The following TASOR2 variants were observed in gnomAD, a reference collection of about 807,000 sequenced individuals.
The protein encoded by TASOR2 is protein TASOR 2.
A neutral mutation model predicts 199.5 loss-of-function variants in TASOR2; 84 were observed. That is an observed-to-expected ratio of 0.42 (90% CI 0.35 to 0.50). TASOR2 has a LOEUF of 0.50. Among genes scored for constraint, TASOR2 ranks in the 20% least tolerant of loss-of-function variants. The pLI is 0.02. For missense variants in TASOR2, 2,796 were observed against 2,835.9 expected (o/e 0.99, Z 0.32); for synonymous variants, 1,103 against 1,046.6 (o/e 1.05, Z -1.04).
At chr10:5,763,267 T>G in exon 21 of TASOR2, 1 of 432,956 alleles carries the variant, frequency 2.3e-6, no homozygotes, top group Non-Finnish European at 4.1e-6. Context: ...ATTATTTTCA[T>G]TTTAAACAAG....
exon 15 of TASOR2, chr10:5,747,485 A>C: frequency 6.2e-7 from 1 of 1,614,200 alleles, no homozygotes; most frequent in Non-Finnish European, 8.5e-7. Flanking sequence ...GAACCAGTAG[A>C]AAATAAGGAG....
At chr10:5,762,507 AG>A (rs1564380076) in intron 19 of TASOR2, 24 bp from the exon 21 acceptor site, 1 of 470,226 alleles carries the variant, frequency 2.1e-6, no homozygotes. Flanking sequence ...ATTAACCAAA[AG>A]TTGTTTTTTT....
intron 3 of TASOR2, among the ~76,000 whole-genome samples, chr10:5,717,999 G>A (rs1326177962): frequency 6.6e-6 from 1 of 152,104 alleles, no homozygotes; most frequent in Non-Finnish European, 1.5e-5. Flanking sequence ...TCACCTGTCA[G>A]AGCTACTTTT....
chr10:5,715,091 A>C (rs151302135), intron 2 of TASOR2, among the ~76,000 whole-genome samples: 11 of 152,254 alleles, frequency 7.2e-5, no homozygotes, highest in Non-Finnish European at 1.3e-4. Flanking sequence ...AGACTTAGGA[A>C]ATAGAGTTTC....
At chr10:5,763,496 A>G (rs1050913454) in exon 21 of TASOR2, 2 of 153,052 alleles carry the variant, frequency 1.3e-5, no homozygotes, top group African/African-American at 4.8e-5. Context: ...ACTACATAAA[A>G]CATTTTTTCC....
intron 11 of TASOR2, 133 bp from the exon 13 acceptor site, chr10:5,735,171 A>G (rs937090500): frequency 2.4e-5 from 25 of 1,032,168 alleles, no homozygotes; most frequent in Non-Finnish European, 3.4e-5. Context: ...AAATACCTGA[A>G]ACTTCATAGT....
intron 12 of TASOR2, 35 bp downstream of exon 13, chr10:5,735,581 C>T (rs1835456996): frequency 6.3e-7 from 1 of 1,598,320 alleles, no homozygotes; most frequent in Admixed American, 1.8e-5. Context: ...TTAAACACCC[C>T]AATACAGATC....
intron 12 of TASOR2, among the ~76,000 whole-genome samples, chr10:5,736,393 G>A (rs192550294): frequency 1.3e-4 from 19 of 149,624 alleles, no homozygotes; most frequent in African/African-American, 4.7e-4. Flanking sequence ...ACTCCAGTCT[G>A]GGCGACAGAG....
At chr10:5,749,652 A>G (rs1344340529) in exon 15 of TASOR2, 4 of 1,614,162 alleles carry the variant, frequency 2.5e-6, no homozygotes, top group Non-Finnish European at 3.4e-6. Context: ...GTCATAATAG[A>G]GATCTTAGAA....
At chr10:5,700,155 T>G (rs912804112) in intron 1 of TASOR2, among the ~76,000 whole-genome samples, 1 of 152,154 alleles carries the variant, frequency 6.6e-6, no homozygotes, top group African/African-American at 2.4e-5. Flanking sequence ...GAAATCCACT[T>G]TTGTAGCTTC....
rs570671375 is a variant in TASOR2 at position 5,689,392 on chromosome 10, G to A, written c.-288+4217G>A. Among the ~76,000 whole-genome samples the A allele has an allele frequency of 9.2e-4, 140 of 152,274 alleles. No individual in the cohort carries two copies. The highest frequency in any genetic ancestry group is 3.2e-3 in the African/African-American group (135 of 41,556). On this transcript the variant is annotated intron_variant, in intron 1 of 20. Coordinates refer to ENST00000328090, the Ensembl canonical transcript of TASOR2. This position sits in a 1 kb window ranked among gnomAD's most constrained non-coding sequence, Gnocchi z 4.1. ...CGAGGTGGGCGGATCAAGAGGTCAG[G>A]AGTTCAAGACCAGCCTGACCAATAT...
chr10:5,760,521 C>T (rs1023669929), intron 18 of TASOR2, among the ~76,000 whole-genome samples: 3 of 152,164 alleles, frequency 2.0e-5, no homozygotes, highest in African/African-American at 7.2e-5. Context: ...GGGAGATATG[C>T]AGACTACAGT....
intron 6 of TASOR2, 43 bp from the exon 8 acceptor site, chr10:5,723,634 C>A: frequency 1.7e-6 from 2 of 1,181,852 alleles, no homozygotes; most frequent in African/African-American, 3.1e-5. Context: ...AATTTAGATC[C>A]ACTGTTTATT....
chr10:5,694,920 C>G (rs907844188), intron 1 of TASOR2, among the ~76,000 whole-genome samples: 1 of 152,102 alleles, frequency 6.6e-6, no homozygotes, highest in African/African-American at 2.4e-5. Context: ...TTGGAATGAG[C>G]CCTAATTGAT....
chr10:5,742,000 A>G (rs1410736681), intron 13 of TASOR2, 97 bp from the exon 15 acceptor site: 1 of 1,159,730 alleles, frequency 8.6e-7, no homozygotes, highest in East Asian at 2.4e-5. Context: ...ATAAAAACAA[A>G]AACTAAGGAA....
rs892743940 is a variant in TASOR2 at position 5,706,904 on chromosome 10, G to A, written c.-287-5919G>A. On this transcript the variant is annotated intron_variant, in intron 1 of 20. Coordinates refer to ENST00000328090, the Ensembl canonical transcript of TASOR2. This position sits in a 1 kb window ranked among gnomAD's most constrained non-coding sequence, Gnocchi z 4.8. ...TGTAATCCCAGCTACACGGGAGGCC[G>A]AGGCAAGAGAGTTGCTTGAACCCGG... Among the ~76,000 whole-genome samples the A allele has an allele frequency of 6.6e-6, 1 of 151,996 alleles. No homozygotes were observed. Among genetic ancestry groups the A allele is most frequent in the Non-Finnish European group, 1.5e-5 (1 of 68,006 alleles).
At chr10:5,726,818 A>G (rs1834110040) in intron 8 of TASOR2, 67 bp from the exon 10 acceptor site, 2 of 1,381,734 alleles carry the variant, frequency 1.4e-6, no homozygotes, top group Admixed American at 1.7e-5. Flanking sequence ...ACTAATGAGT[A>G]TGGGTAGAGG....
At chr10:5,746,231 T>G (rs367572971) in exon 15 of TASOR2, 10 of 1,612,250 alleles carry the variant, frequency 6.2e-6, no homozygotes, top group Non-Finnish European at 7.6e-6. Context: ...AATCTTGTGC[T>G]TTCGGGTATT....
chr10:5,746,648 C>T, exon 15 of TASOR2: 1 of 1,614,128 alleles, frequency 6.2e-7, no homozygotes, highest in Non-Finnish European at 8.5e-7. Context: ...GATGAACGTA[C>T]AACCTTTAAG....
Sources: gnomAD v4.1 joint callset for allele counts (sites outside exome capture counted in the v4.1 genomes callset) on GRCh38, gnomAD v4.1.1 for gene constraint, Gnocchi (gnomAD v3.1) non-coding constraint, MANE v1.5 for transcripts, NCBI Gene and HGNC (gene_info 2026-07-23, HGNC 2026-07-21) for gene names.